The following MORC3 variants were observed in gnomAD, a reference collection of about 807,000 sequenced individuals.
The protein encoded by MORC3 is MORC family CW-type zinc finger 3, also known as MORC family CW-type zinc finger protein 3.
A neutral mutation model predicts 109.1 loss-of-function variants in MORC3; 31 were observed. The ratio of observed to expected loss-of-function variants is 0.28; its 90% CI spans 0.21 to 0.38. MORC3 has a LOEUF of 0.38. Among genes scored for constraint, MORC3 ranks in the 10% least tolerant of loss-of-function variants. The pLI is 1.00. For missense variants in MORC3, 867 were observed against 1,135.8 expected (o/e 0.76, Z 3.40); for synonymous variants, 395 against 380.7 (o/e 1.04, Z -0.44).
intron 9 of MORC3, among the ~76,000 whole-genome samples, chr21:36,351,608 A>G (rs2146317303): frequency 6.6e-6 from 1 of 152,312 alleles, no homozygotes; most frequent in Non-Finnish European, 1.5e-5. Context: ...GTCATTACAA[A>G]TGACAGCATT....
chr21:36,343,263 T>A (rs980275981), intron 6 of MORC3, among the ~76,000 whole-genome samples: 1 of 151,002 alleles, frequency 6.6e-6, no homozygotes, highest in African/African-American at 2.4e-5. Flanking sequence ...GCCCGGCTAA[T>A]TTTGCATTTT....
At chr21:36,360,547 T>C (rs2085701964) in intron 12 of MORC3, 1 of 426,470 alleles carries the variant, frequency 2.3e-6, no homozygotes, top group Non-Finnish European at 4.3e-6. Flanking sequence ...CCATTGAAGC[T>C]TATAGAGAAG....
chr21:36,334,444 G>A (rs2085352812), intron 2 of MORC3, among the ~76,000 whole-genome samples: 1 of 152,038 alleles, frequency 6.6e-6, no homozygotes, highest in Admixed American at 6.6e-5. Context: ...TATTATAAAA[G>A]TAAACAGTGA....
intron 1 of MORC3, 145 bp downstream of exon 1, chr21:36,320,448 T>A: frequency 1.4e-6 from 1 of 728,786 alleles, no homozygotes; most frequent in Non-Finnish European, 1.9e-6. Flanking sequence ...GGCGGCCATC[T>A]CGCTCCCGTC....
chr21:36,341,591 G>A, intron 6 of MORC3, 45 bp downstream of exon 6: 1 of 1,611,428 alleles, frequency 6.2e-7, no homozygotes, highest in Middle Eastern at 1.7e-4. Flanking sequence ...ATCATTGAAT[G>A]CTGGTAGTAT....
At chr21:36,370,635 A>ATTTTTTTT (rs1361206395) in intron 15 of MORC3, among the ~76,000 whole-genome samples, 6 of 42,004 alleles carry the variant, frequency 1.4e-4, no homozygotes, top group Admixed American at 3.5e-4. Context: ...ATATATATAT[A>ATTTTTTTT]TATATTTTTT....
intron 14 of MORC3, among the ~76,000 whole-genome samples, chr21:36,365,097 A>G (rs1005580994): frequency 9.9e-5 from 15 of 151,950 alleles, no homozygotes; most frequent in African/African-American, 3.1e-4. Flanking sequence ...GTACGACACT[A>G]TAGTGACCCA....
intron 16 of MORC3, among the ~76,000 whole-genome samples, chr21:36,373,191 T>G (rs1055246129): frequency 2.0e-5 from 3 of 151,028 alleles, no homozygotes; most frequent in African/African-American, 7.3e-5. Flanking sequence ...AGTACAAAAA[T>G]TAGCCGGGCG....
At chr21:36,324,347 G>A (rs1454620818) in intron 1 of MORC3, among the ~76,000 whole-genome samples, 2 of 147,650 alleles carry the variant, frequency 1.4e-5, no homozygotes, top group Non-Finnish European at 3.0e-5. Context: ...GCGCGATCTC[G>A]GCTCACTGCA....
intron 1 of MORC3, among the ~76,000 whole-genome samples, chr21:36,332,002 A>G (rs989232324): frequency 2.6e-5 from 4 of 151,948 alleles, no homozygotes; most frequent in Admixed American, 2.6e-4. Flanking sequence ...TTAGCCAGGC[A>G]TAGTGGTCCA....
intron 9 of MORC3, among the ~76,000 whole-genome samples, chr21:36,355,265 A>G (rs8132514): frequency 0.73 from 111,577 of 152,060 alleles, 42,008 homozygotes; most frequent in East Asian, 1. Context: ...TGCCTTTGGT[A>G]TTGAAGTCAT....
chr21:36,364,512 T>C (rs2085755988), intron 14 of MORC3, among the ~76,000 whole-genome samples: 1 of 151,778 alleles, frequency 6.6e-6, no homozygotes, highest in African/African-American at 2.4e-5. Flanking sequence ...CAAAACCCCA[T>C]CTCTACTACA....
chr21:36,320,844 G>T (rs2085185737), intron 1 of MORC3, among the ~76,000 whole-genome samples: 1 of 152,240 alleles, frequency 6.6e-6, no homozygotes, highest in Non-Finnish European at 1.5e-5. Context: ...CCAGACCCTA[G>T]ATCGCTGAGC....
intron 2 of MORC3, among the ~76,000 whole-genome samples, chr21:36,336,572 T>A (rs2085378480): frequency 1.3e-5 from 2 of 152,320 alleles, no homozygotes; most frequent in South Asian, 4.1e-4. Flanking sequence ...ATCTCTGCAG[T>A]GTAGTGATTT....
Position 36,320,213 on chromosome 21 carries a change from C to CA in MORC3, c.-52_-51insA, listed in dbSNP as rs1569083740. ...TAGGGCTCCACAGTCGTTCCGCCAC[C>CA]TCCCAGTCGGGTTGCGGCGGAGGCC... is the stretch of plus-strand genomic sequence containing the variant. On this transcript the variant is annotated 5_prime_UTR_variant, in exon 1 of 17. Transcript: ENST00000400485. 4.5e-6 allele frequency: 7 copies of CA among 1,559,992 alleles called. No individual in the cohort carries two copies. The African/African-American group carries it at 9.5e-5, about 21-fold the overall frequency.
rs372957258 is a variant in MORC3, at chr21:36,328,151, A to G, written c.40-5495A>G. Reference sequence around the variant, plus strand: ...CGCGGCCTCCCAAAGTCCTGGGATTATAGGTGTGAGCCACCACGCCCAGCT... The same window carrying G: ...CGCGGCCTCCCAAAGTCCTGGGATTGTAGGTGTGAGCCACCACGCCCAGCT... On this transcript the variant is annotated intron_variant, in intron 1 of 16. Transcript: ENST00000400485. Among the ~76,000 whole-genome samples the G allele has an allele frequency of 5.3e-5, 8 of 152,208 alleles. No individual in the cohort carries two copies. The East Asian group carries it at 1.4e-3, about 26-fold the overall frequency.
At chr21:36,334,084 G>A (rs940055841) in intron 2 of MORC3, among the ~76,000 whole-genome samples, 10 of 152,010 alleles carry the variant, frequency 6.6e-5, no homozygotes, top group African/African-American at 2.4e-4. Context: ...ACCGCACCCG[G>A]CCTACAAAAA....
At chr21:36,327,155 CT>C (rs71326674) in intron 1 of MORC3, among the ~76,000 whole-genome samples, 973 of 81,876 alleles carry the variant, frequency 0.012, 4 homozygotes, top group African/African-American at 0.045. Context: ...GGCTTTATTT[CT>C]TTTTTTTTTT....
At chr21:36,367,744 A>G (rs2085798376) in intron 14 of MORC3, among the ~76,000 whole-genome samples, 1 of 152,180 alleles carries the variant, frequency 6.6e-6, no homozygotes, top group Admixed American at 6.6e-5. Flanking sequence ...TTTTTAACGC[A>G]GGGAATAAAA....
Sources: gnomAD v4.1 joint callset for allele counts (sites outside exome capture counted in the v4.1 genomes callset) on GRCh38, gnomAD v4.1.1 for gene constraint, MANE v1.5 for transcripts, NCBI Gene and HGNC (gene_info 2026-07-23, HGNC 2026-07-21) for gene names.